The following SEMA3A variants were observed in gnomAD, a reference collection of about 807,000 sequenced individuals.
SEMA3A encodes the protein semaphorin 3A, also known as semaphorin-3A.
SEMA3A carries 29 observed loss-of-function variants against 97.9 expected under a neutral mutation model. The ratio of observed to expected loss-of-function variants is 0.30; its 90% CI spans 0.22 to 0.40. SEMA3A has a LOEUF of 0.40. Ranked by LOEUF, SEMA3A falls within the 10% of genes least tolerant of loss-of-function variation. The probability of loss-of-function intolerance (pLI) is 1.00; values close to 1 mark genes in which losing one functional copy is unlikely to be tolerated. For synonymous variants in SEMA3A, 321 were observed against 323.7 expected (o/e 0.99, Z 0.09); for missense variants, 763 against 951.3 (o/e 0.80, Z 2.60).
intron 7 of SEMA3A, among the ~76,000 whole-genome samples, chr7:84,011,682 T>A (rs889173273): frequency 6.6e-6 from 1 of 152,168 alleles, no homozygotes; most frequent in Non-Finnish European, 1.5e-5. Flanking sequence ...CAGTTTTTTC[T>A]TTGAGATATG....
chr7:84,059,319 A>G (rs1310368186), intron 5 of SEMA3A, among the ~76,000 whole-genome samples: 3 of 152,330 alleles, frequency 2.0e-5, no homozygotes, highest in African/African-American at 7.2e-5. Context: ...GAAAAGCAAC[A>G]GAGGAGATAA....
chr7:84,463,084 C>T (rs1461886651), intron 1 of SEMA3A, among the ~76,000 whole-genome samples: 1 of 151,964 alleles, frequency 6.6e-6, no homozygotes, highest in Non-Finnish European at 1.5e-5. Flanking sequence ...GAATAACCAC[C>T]AAAGTACTGA....
intron 3 of SEMA3A, among the ~76,000 whole-genome samples, chr7:84,241,878 A>C (rs1039056960): frequency 1.3e-5 from 2 of 152,170 alleles, no homozygotes; most frequent in Admixed American, 1.3e-4. Context: ...CATTTATTAA[A>C]TAGAGAGTCT....
At chr7:84,258,005 G>C (rs1047681532) in intron 3 of SEMA3A, among the ~76,000 whole-genome samples, 11 of 152,104 alleles carry the variant, frequency 7.2e-5, no homozygotes, top group Admixed American at 5.2e-4. Flanking sequence ...ATACTCATGT[G>C]ACATATCTAA....
At chr7:84,174,583 T>TTA (rs1374732556) in intron 1 of SEMA3A, among the ~76,000 whole-genome samples, 1 of 152,200 alleles carries the variant, frequency 6.6e-6, no homozygotes, top group Non-Finnish European at 1.5e-5. Context: ...CAGTTACTAT[T>TTA]TACTATGTTT....
At chr7:84,384,615 T>G (rs374149582) in intron 1 of SEMA3A, among the ~76,000 whole-genome samples, 2 of 152,126 alleles carry the variant, frequency 1.3e-5, no homozygotes, top group African/African-American at 4.8e-5. Flanking sequence ...CTGTGTGCAG[T>G]ACACAGTGAT....
chr7:84,490,093 T>G (rs535848462), intron 1 of SEMA3A, among the ~76,000 whole-genome samples: 1 of 148,146 alleles, frequency 6.8e-6, no homozygotes, highest in African/African-American at 2.5e-5. Context: ...ACCACATAAT[T>G]TATTCATTAC....
intron 1 of SEMA3A, among the ~76,000 whole-genome samples, chr7:84,477,973 CTG>C (rs1806342565): frequency 6.6e-6 from 1 of 152,178 alleles, no homozygotes; most frequent in South Asian, 2.1e-4. Flanking sequence ...TGTTAGGTAA[CTG>C]TAAAATTCCA....
chr7:84,219,852 C>G (rs1029396996), intron 3 of SEMA3A, among the ~76,000 whole-genome samples: 1 of 152,122 alleles, frequency 6.6e-6, no homozygotes, highest in African/African-American at 2.4e-5. Context: ...CATGAACCAA[C>G]CCCTGCTAGC....
At chr7:84,198,715 C>T (rs980180728), upstream of SEMA3A, among the ~76,000 whole-genome samples, 2 of 152,174 alleles carry the variant, frequency 1.3e-5, no homozygotes, top group Non-Finnish European at 2.9e-5. Context: ...TACATTTCAG[C>T]AGGTGCTTAA....
intron 1 of SEMA3A, among the ~76,000 whole-genome samples, chr7:84,445,959 A>G (rs1004634753): frequency 2.6e-5 from 4 of 152,134 alleles, no homozygotes; most frequent in Admixed American, 6.6e-5. Context: ...ACCTTTAACT[A>G]TATGTACTAG....
intron 6 of SEMA3A, among the ~76,000 whole-genome samples, chr7:84,042,212 G>C (rs529441392): frequency 1.7e-3 from 265 of 152,196 alleles, no homozygotes; most frequent in Non-Finnish European, 3.4e-3. Context: ...CAGGCCATCA[G>C]GGTATGAATA....
chr7:83,972,494 A>G (rs1256371310), intron 15 of SEMA3A, among the ~76,000 whole-genome samples: 3 of 152,084 alleles, frequency 2.0e-5, no homozygotes, highest in Non-Finnish European at 4.4e-5. Context: ...CCAGAGCAAA[A>G]TTACCATAGG....
chr7:83,981,382 G>C lies in SEMA3A; in HGVS notation c.1591C>G (p.Arg531Gly). ...CCATCCCAAGCACAGTAAGGGTCTC[G>C]GGCGAGGCAACACTCAGCACACGCT... ...GKACAECCLA[R>G]DPYCAWDGSA... is the part of the protein sequence containing the mutation. The change falls in exon 14 of 17, where the codon CGA becomes GGA. Residue 531 changes from arginine (R) to glycine (G), a missense_variant. Arg to Gly is a moderately radical substitution (Grantham distance 125). Coordinates refer to ENST00000265362, the MANE Select transcript of SEMA3A (RefSeq NM_006080.3). 1 of 1,613,930 alleles carries C rather than the reference G, an allele frequency of 6.2e-7. No individual in the cohort carries two copies.
intron 3 of SEMA3A, among the ~76,000 whole-genome samples, chr7:84,226,603 AG>A (rs1329666561): frequency 6.6e-6 from 1 of 152,084 alleles, no homozygotes; most frequent in Non-Finnish European, 1.5e-5. Context: ...GCCACATTGT[AG>A]TTGGGCAAAA....
intron 5 of SEMA3A, among the ~76,000 whole-genome samples, chr7:84,052,443 A>G (rs917948810): frequency 4.6e-5 from 7 of 151,850 alleles, no homozygotes; most frequent in South Asian, 2.1e-4. Context: ...GTCTTGGGAG[A>G]GTGTATGTGT....
chr7:84,107,784 G>A (rs970802514), intron 4 of SEMA3A, among the ~76,000 whole-genome samples: 1 of 152,042 alleles, frequency 6.6e-6, no homozygotes, highest in Non-Finnish European at 1.5e-5. Context: ...AACATTTCAG[G>A]AAAATGATAA....
chr7:84,419,736 CTATCTG>C (rs1433797454), intron 1 of SEMA3A, among the ~76,000 whole-genome samples: 1 of 152,066 alleles, frequency 6.6e-6, no homozygotes, highest in African/African-American at 2.4e-5. Flanking sequence ...TGGGTGATCT[CTATCTG>C]AGAAGTGCAA....
intron 12 of SEMA3A, among the ~76,000 whole-genome samples, chr7:83,993,803 C>G (rs921712444): frequency 7.8e-6 from 1 of 127,896 alleles, no homozygotes; most frequent in Non-Finnish European, 1.7e-5. Flanking sequence ...CTTGGAGTTG[C>G]TCTTCTCGAG....
Sources: gnomAD v4.1 joint callset for allele counts (sites outside exome capture counted in the v4.1 genomes callset) on GRCh38, gnomAD v4.1.1 for gene constraint, MANE v1.5 for transcripts, NCBI Gene and HGNC (gene_info 2026-07-23, HGNC 2026-07-21) for gene names.